Variants in RFC1 observed in about 807,000 individuals in gnomAD.
RFC1 encodes A1 140 kDa subunit.
In RFC1, 37 loss-of-function variants were observed where a neutral mutation model predicts 137.4. The ratio of observed to expected loss-of-function variants is 0.27; its 90% CI spans 0.21 to 0.35. The LOEUF (loss-of-function observed/expected upper bound fraction) is 0.35, where lower values mean the gene tolerates loss of function less well. Among genes scored for constraint, RFC1 ranks in the 10% least tolerant of loss-of-function variants. The pLI, the probability that RFC1 is intolerant of heterozygous loss-of-function variation, is 1.00. For synonymous variants in RFC1, 429 were observed against 455.7 expected (o/e 0.94, Z 0.75); for missense variants, 1,205 against 1,358.5 (o/e 0.89, Z 1.78).
At chr4:39,302,715 A>C in intron 17 of RFC1, 22 bp downstream of exon 17, 1 of 1,555,372 alleles carries the variant, frequency 6.4e-7, no homozygotes, top group South Asian at 1.2e-5. Flanking sequence ...GTGTGATGGA[A>C]AAAAAATTTC....
Position 39,329,534 on chromosome 4 carries a change from A to T in RFC1, c.332-1778T>A, listed in dbSNP as rs1372347156. Among the ~76,000 whole-genome samples, 3 of 151,782 alleles carry T rather than the reference A, an allele frequency of 2.0e-5. No individual in the cohort carries two copies. In the South Asian group the frequency reaches 6.3e-4, roughly 32 times the overall value. ...AGCTGAAATTGTGCCTCTGTACTCC[A>T]GCCTGGGAGACAGAGCAAGACTCTG... On this transcript the variant is annotated intron_variant, in intron 4 of 24. Coordinates refer to ENST00000349703, the MANE Select transcript of RFC1 (RefSeq NM_002913.5).
At position 39,291,743 on chromosome 4, in the gene RFC1, C is replaced by T. The variant is rs2109576290; in HGVS notation, c.3064G>A (p.Ala1022Thr). The change falls in exon 23 of 25, where the codon GCA becomes ACA. Residue 1022 changes from alanine (A) to threonine (T), a missense_variant. Ala to Thr is a moderately conservative substitution (Grantham distance 58). This residue lies in a region of RFC1 where 237 missense variants were observed against 304.2 expected (regional missense o/e 0.78). Coordinates refer to ENST00000349703, the MANE Select transcript of RFC1 (RefSeq NM_002913.5). ...QGVDGVQDVV[A>T]LMDTYYLMKE... ...ATCAAATAATATGTGTCCATAAGTGCAACAACATCCTGTACTCCGTCTACT... is the reference window on the plus strand; with the variant it reads ...ATCAAATAATATGTGTCCATAAGTGTAACAACATCCTGTACTCCGTCTACT... 1 of 1,613,730 alleles carries T rather than the reference C, an allele frequency of 6.2e-7. No individual in the cohort carries two copies. The highest frequency in any genetic ancestry group is 1.7e-5 in the Admixed American group (1 of 60,022).
intron 2 of RFC1, among the ~76,000 whole-genome samples, chr4:39,346,723 T>C (rs757197707): frequency 6.6e-6 from 1 of 152,084 alleles, no homozygotes; most frequent in Non-Finnish European, 1.5e-5. Context: ...CAATTATAAT[T>C]TATATATACC....
Position 39,302,780 on chromosome 4 carries a change from C to A in RFC1, c.2297G>T (p.Cys766Phe). Residue 766 changes from cysteine (C) to phenylalanine (F), a missense_variant, in exon 17 of 25, where the codon TGT becomes TTT. This residue lies in a region of RFC1 where 962 missense variants were observed against 1,035.3 expected (regional missense o/e 0.93). Coordinates refer to ENST00000349703, the MANE Select transcript of RFC1 (RefSeq NM_002913.5). ...AGGTCTTTGAAAACGAAGATCAAAA[C>A]AATAATGAACCAGAGAGCGAATCTT... ...HPKIRSLVHY[C>F]FDLRFQRPRV... 1 of 1,599,660 alleles carries A rather than the reference C, an allele frequency of 6.3e-7. No homozygotes were observed.
Position 39,366,265 on chromosome 4 carries a change from G to A in RFC1, c.-24C>T. ...ATCGCAGCCCCAGGATGAAGGCGCT[G>A]GCTGGCTGGCGGGTGGGCCGGTTGA... On this transcript the variant is annotated 5_prime_UTR_variant, in exon 1 of 25. Coordinates refer to ENST00000349703, the MANE Select transcript of RFC1 (RefSeq NM_002913.5). 6.5e-7 allele frequency: 1 copy of A among 1,533,722 alleles called. No homozygotes were observed. Among genetic ancestry groups the A allele is most frequent in the South Asian group, 1.2e-5 (1 of 82,926 alleles).
At chr4:39,333,687 T>A (rs1370613381) in intron 4 of RFC1, among the ~76,000 whole-genome samples, 1 of 152,156 alleles carries the variant, frequency 6.6e-6, no homozygotes, top group Non-Finnish European at 1.5e-5. Flanking sequence ...AAGGGGAGGT[T>A]CTTGTTATGA....
intron 2 of RFC1, among the ~76,000 whole-genome samples, chr4:39,348,760 C>T (rs1220025063): frequency 6.6e-6 from 1 of 152,192 alleles, no homozygotes; most frequent in Non-Finnish European, 1.5e-5. Context: ...GAGACAGCCA[C>T]CACCCAAAGC....
At chr4:39,318,340 C>T (rs1438269852) in intron 9 of RFC1, among the ~76,000 whole-genome samples, 2 of 152,144 alleles carry the variant, frequency 1.3e-5, no homozygotes, top group Non-Finnish European at 2.9e-5. Context: ...CACCACATTC[C>T]CTGGGAAACT....
intron 12 of RFC1, 106 bp downstream of exon 12, chr4:39,311,339 G>A (rs1738950738): frequency 2.4e-6 from 2 of 829,420 alleles, no homozygotes; most frequent in South Asian, 1.6e-5. Context: ...TGGTAGACAG[G>A]GATGTTAATC....
chr4:39,294,699 A>G (rs1737882865), intron 22 of RFC1, among the ~76,000 whole-genome samples: 1 of 151,408 alleles, frequency 6.6e-6, no homozygotes, highest in Non-Finnish European at 1.5e-5. Flanking sequence ...AAGAAAAGAA[A>G]AAAAAGAAAA....
Position 39,327,630 on chromosome 4 carries a change from T to C in RFC1, c.458A>G (p.Lys153Arg), listed in dbSNP as rs1376751995. Reference sequence around the variant, plus strand: ...TGTAAGTTTTATTGGTGATAAAGGCTTATTCTTGGTCTTAGTGTTTTCTTC... The same window carrying C: ...TGTAAGTTTTATTGGTGATAAAGGCCTATTCTTGGTCTTAGTGTTTTCTTC... Reference protein sequence around the residue: ...KNEENTKTKNKPLSPIKLTPT... With the variant: ...KNEENTKTKNRPLSPIKLTPT... Residue 153 changes from lysine (K) to arginine (R), a missense_variant, in exon 5 of 25, where the codon AAG becomes AGG. Lys to Arg is a conservative substitution (Grantham distance 26). This residue lies in a region of RFC1 where 962 missense variants were observed against 1,035.3 expected (regional missense o/e 0.93). Coordinates refer to ENST00000349703, the MANE Select transcript of RFC1 (RefSeq NM_002913.5). The C allele has an allele frequency of 1.2e-6, 2 of 1,613,664 alleles. No homozygotes were observed. Among genetic ancestry groups the C allele is most frequent in the African/African-American group, 2.7e-5 (2 of 74,930 alleles).
intron 2 of RFC1, among the ~76,000 whole-genome samples, chr4:39,348,482 A>AGGAAAAGAAAGG (rs1741021504): frequency 7.0e-6 from 1 of 143,580 alleles, no homozygotes; most frequent in Non-Finnish European, 1.6e-5. Flanking sequence ...AAGAAAAGAA[A>AGGAAAAGAAAGG]AAGCATGTTC....
chr4:39,365,296 G>A (rs1741969346), intron 1 of RFC1, among the ~76,000 whole-genome samples: 1 of 136,322 alleles, frequency 7.3e-6, no homozygotes, highest in Admixed American at 8.5e-5. Context: ...GTTTCCCAGT[G>A]TGGCATAAAA....
intron 4 of RFC1, among the ~76,000 whole-genome samples, chr4:39,338,947 C>T (rs528780428): frequency 6.6e-6 from 1 of 152,268 alleles, no homozygotes; most frequent in South Asian, 2.1e-4. Context: ...ACCACTGTTG[C>T]ATTCTCTATT....
Position 39,316,992 on chromosome 4 carries a change from G to T in RFC1, c.1126C>A (p.Arg376Ser). ...SVSPEDSEKK[R>S]TNYQAYRSYL... ...CTTCGATAAGCTTGATAATTAGTGC[G>T]TTTCTTTTCAGAATCTTCAGGACTT... is the stretch of plus-strand genomic sequence containing the variant. The change falls in exon 10 of 25, where the codon CGC (arginine) becomes AGC (serine). Residue 376 changes from arginine (R) to serine (S), a missense_variant. This residue lies in a region of RFC1 where 962 missense variants were observed against 1,035.3 expected (regional missense o/e 0.93). Transcript: ENST00000349703. 6.2e-7 allele frequency: 1 copy of T among 1,613,768 alleles called. No individual in the cohort carries two copies. The highest frequency in any genetic ancestry group is 1.1e-5 in the South Asian group (1 of 91,068).
At chr4:39,320,181 C>T (rs1739442094) in intron 9 of RFC1, among the ~76,000 whole-genome samples, 1 of 152,030 alleles carries the variant, frequency 6.6e-6, no homozygotes, top group South Asian at 2.1e-4. Context: ...GAAACCCCGT[C>T]TCTACTAAAA....
chr4:39,348,863 C>T (rs946390205), intron 2 of RFC1, among the ~76,000 whole-genome samples: 3 of 117,316 alleles, frequency 2.6e-5, no homozygotes, highest in Non-Finnish European at 3.6e-5. Flanking sequence ...GTCTAGAGGG[C>T]AGGGCATCAA....
At chr4:39,292,935 G>A (rs1305834831) in intron 22 of RFC1, among the ~76,000 whole-genome samples, 1 of 152,050 alleles carries the variant, frequency 6.6e-6, no homozygotes, top group East Asian at 1.9e-4. Context: ...GTGAGCCACC[G>A]CACCCAGCCT....
At chr4:39,350,766 T>C (rs1741142811) in intron 2 of RFC1, among the ~76,000 whole-genome samples, 1 of 152,188 alleles carries the variant, frequency 6.6e-6, no homozygotes, top group Non-Finnish European at 1.5e-5. Context: ...AAGAAAATGA[T>C]ATTAGACGAA....
Sources: allele counts gnomAD v4.1 joint callset (sites outside exome capture counted in the v4.1 genomes callset), GRCh38; gene constraint gnomAD v4.1.1; regional missense constraint gnomAD v4.1.1; transcripts MANE v1.5; gene names NCBI Gene and HGNC (gene_info 2026-07-23, HGNC 2026-07-21).